PARVA: variants seen among roughly 807,000 people sequenced by gnomAD.
PARVA encodes parvin alpha.
PARVA carries 25 observed loss-of-function variants against 52.6 expected under a neutral mutation model. The observed-to-expected ratio is 0.48, with a 90% CI of 0.35 to 0.66. PARVA has a LOEUF of 0.66. Among genes scored for constraint, PARVA ranks in the 30% least tolerant of loss-of-function variants. The pLI is 0.01. For synonymous variants in PARVA, 185 were observed against 179.1 expected, an observed-to-expected ratio of 1.03 and a Z score of -0.26; for missense variants, 373 against 450.9, an observed-to-expected ratio of 0.83 and a Z score of 1.56.
At chr11:12,479,250 A>G (rs1941053257) in intron 4 of PARVA, 2 of 152,078 alleles carry the variant, frequency 1.3e-5, no homozygotes, top group Admixed American at 1.3e-4. Context: ...TCTGATCTCT[A>G]GAATTAATCA....
At chr11:12,467,296 T>C (rs1338358308) in intron 1 of PARVA, among the ~76,000 whole-genome samples, 1 of 152,356 alleles carries the variant, frequency 6.6e-6, no homozygotes, top group East Asian at 1.9e-4. Context: ...GTTTGTTTTA[T>C]GGTTGATTCT....
At chr11:12,402,231 T>A (rs1000609502) in intron 1 of PARVA, among the ~76,000 whole-genome samples, 2 of 152,056 alleles carry the variant, frequency 1.3e-5, no homozygotes, top group Non-Finnish European at 2.9e-5. Context: ...GACCAGCAGC[T>A]GGGGAGAAAG....
chr11:12,487,925 A>G (rs547035941), intron 4 of PARVA, among the ~76,000 whole-genome samples: 2 of 152,332 alleles, frequency 1.3e-5, no homozygotes, highest in African/African-American at 4.8e-5. Flanking sequence ...TGCCATGGAA[A>G]GGAGACAGTT....
chr11:12,423,901 C>T (rs1437005401), intron 1 of PARVA, among the ~76,000 whole-genome samples: 1 of 152,158 alleles, frequency 6.6e-6, no homozygotes, highest in African/African-American at 2.4e-5. Flanking sequence ...TTGATTATTA[C>T]ATCCTCCTGC....
intron 7 of PARVA, among the ~76,000 whole-genome samples, chr11:12,508,955 G>A (rs1219706111): frequency 6.6e-6 from 1 of 151,904 alleles, no homozygotes; most frequent in East Asian, 1.9e-4. Context: ...TAAACACTGG[G>A]TTGAATTTAA....
chr11:12,484,732 G>C (rs1233471186), intron 4 of PARVA, among the ~76,000 whole-genome samples: 1 of 151,816 alleles, frequency 6.6e-6, no homozygotes, highest in Non-Finnish European at 1.5e-5. Flanking sequence ...TAGTATACAG[G>C]TCTGTAAGAG....
intron 1 of PARVA, among the ~76,000 whole-genome samples, chr11:12,388,292 A>G (rs1394412459): frequency 6.6e-6 from 1 of 152,180 alleles, no homozygotes; most frequent in Non-Finnish European, 1.5e-5. Context: ...CTTACCTAAA[A>G]TCTGGTTCTA....
chr11:12,377,835 G>C, intron 1 of PARVA, 52 bp downstream of exon 1: 32 of 1,372,192 alleles, frequency 2.3e-5, no homozygotes, highest in East Asian at 3.2e-5. Context: ...GGGTGCCGTA[G>C]GGGCCGAGGG....
At chr11:12,474,196 C>T (rs1940973610) in intron 3 of PARVA, among the ~76,000 whole-genome samples, 1 of 152,080 alleles carries the variant, frequency 6.6e-6, no homozygotes, top group Non-Finnish European at 1.5e-5. Context: ...GTGAGTGGTG[C>T]TGGTCACAGC....
In PARVA at chr11:12,438,566, C is replaced by T. The variant is rs117520852; in HGVS notation, c.137-35179C>T. 2.0e-3 allele frequency among the ~76,000 whole-genome samples: 305 copies of T among 152,272 alleles called. 1 individual carries two copies. The highest frequency in any genetic ancestry group is 3.6e-3 in the Non-Finnish European group (246 of 68,024). ...CCACCTTTTAATACTGTTACAATGGCATTTAAATTTCAACATGAGTTTTGA... is the reference window on the plus strand; with the variant it reads ...CCACCTTTTAATACTGTTACAATGGTATTTAAATTTCAACATGAGTTTTGA... On this transcript the variant is annotated intron_variant, in intron 1 of 12. Coordinates refer to ENST00000334956, the MANE Select transcript of PARVA (RefSeq NM_018222.5).
chr11:12,501,392 A>G (rs1478846594), intron 5 of PARVA, among the ~76,000 whole-genome samples: 3 of 152,144 alleles, frequency 2.0e-5, no homozygotes, highest in East Asian at 3.9e-4. Flanking sequence ...CATTATGTGT[A>G]TATACCATAA....
At position 12,535,214 on chromosome 11, in the gene PARVA, G is replaced by C. The variant is rs1941819664; in HGVS notation, c.*7289G>C. On this transcript the variant is annotated 3_prime_UTR_variant, in exon 13 of 13. Coordinates refer to ENST00000334956, the MANE Select transcript of PARVA (RefSeq NM_018222.5). ...TAGACCCATGGCCAAGACTGTCATT[G>C]CCTGTGAGGGAGACCAAGCTCACCA... Among the ~76,000 whole-genome samples the C allele has an allele frequency of 1.3e-5, 2 of 152,188 alleles. No homozygotes were observed. Among genetic ancestry groups the C allele is most frequent in the South Asian group, 4.1e-4 (2 of 4,832 alleles).
intron 1 of PARVA, among the ~76,000 whole-genome samples, chr11:12,410,679 T>A (rs1939980998): frequency 6.6e-6 from 1 of 152,224 alleles, no homozygotes; most frequent in Non-Finnish European, 1.5e-5. Flanking sequence ...TGCCAGAATG[T>A]TCATTCCCAA....
chr11:12,497,258 G>A (rs1195617710), intron 5 of PARVA, among the ~76,000 whole-genome samples: 1 of 152,086 alleles, frequency 6.6e-6, no homozygotes, highest in Non-Finnish European at 1.5e-5. Flanking sequence ...TTAATCAAGG[G>A]ATTAGGTGAA....
chr11:12,461,446 T>C (rs1332854267), intron 1 of PARVA, among the ~76,000 whole-genome samples: 2 of 152,102 alleles, frequency 1.3e-5, no homozygotes, highest in Non-Finnish European at 1.5e-5. Flanking sequence ...ACCAAGGAAA[T>C]GGTTCTCATT....
intron 1 of PARVA, among the ~76,000 whole-genome samples, chr11:12,393,217 T>G (rs1409299788): frequency 6.6e-6 from 1 of 152,136 alleles, no homozygotes; most frequent in African/African-American, 2.4e-5. Flanking sequence ...ACTTACAAAG[T>G]GCGATTATGG....
At chr11:12,376,825 G>A (rs184628396), upstream of PARVA, 6 of 597,794 alleles carry the variant, frequency 1.0e-5, no homozygotes, top group Non-Finnish European at 4.2e-6. Context: ...TCTCAAATGA[G>A]TCTGGTTGTC....
intron 12 of PARVA, among the ~76,000 whole-genome samples, chr11:12,526,637 A>G (rs1941704773): frequency 6.6e-6 from 1 of 152,192 alleles, no homozygotes; most frequent in South Asian, 2.1e-4. Flanking sequence ...TCCTTTTTGA[A>G]CATAACCTCT....
rs376633176 is a variant in PARVA at position 12,383,816 on chromosome 11, GT to G, written c.136+6036del. ...TCAAATTGTTGCAATTCTCAAAAAA[GT>G]TTCTAATACATTTATTTTAAAAATT... On this transcript the variant is annotated intron_variant, in intron 1 of 12. Transcript: ENST00000334956. Among the ~76,000 whole-genome samples the G allele has an allele frequency of 7.9e-5, 12 of 152,204 alleles. No homozygotes were observed. In the East Asian group the frequency reaches 1.7e-3, roughly 22 times the overall value.
Sources: gnomAD v4.1 joint callset for allele counts (sites outside exome capture counted in the v4.1 genomes callset) on GRCh38, gnomAD v4.1.1 for gene constraint, MANE v1.5 for transcripts, NCBI Gene and HGNC (gene_info 2026-07-23, HGNC 2026-07-21) for gene names.